ABHD17C: variants seen among roughly 807,000 people sequenced by gnomAD.
ABHD17C encodes alpha/beta hydrolase domain-containing protein 17C.
A neutral mutation model predicts 27.9 loss-of-function variants in ABHD17C; 11 were observed. The observed-to-expected ratio is 0.39, with a 90% CI of 0.25 to 0.65. ABHD17C has a LOEUF of 0.65. Among genes scored for constraint, ABHD17C ranks in the 30% least tolerant of loss-of-function variants. ABHD17C has a pLI of 0.45. For synonymous variants in ABHD17C, 233 were observed against 209.1 expected, an observed-to-expected ratio of 1.11 and a Z score of -0.98; for missense variants, 280 against 470.2, an observed-to-expected ratio of 0.60 and a Z score of 3.74.
intron 1 of ABHD17C, among the ~76,000 whole-genome samples, chr15:80,740,698 T>C (rs1037836475): frequency 1.3e-5 from 2 of 152,108 alleles, no homozygotes; most frequent in African/African-American, 4.8e-5. Flanking sequence ...TTGTCCCAAT[T>C]CCAGTCCTTC....
chr15:80,750,228 G>A (rs909771775), intron 2 of ABHD17C, among the ~76,000 whole-genome samples: 3 of 152,104 alleles, frequency 2.0e-5, no homozygotes, highest in African/African-American at 7.2e-5. Flanking sequence ...TGAGTTACTC[G>A]ACAAGCCAGG....
At chr15:80,696,226 A>G (rs559850145) in intron 1 of ABHD17C, among the ~76,000 whole-genome samples, 17 of 152,304 alleles carry the variant, frequency 1.1e-4, no homozygotes, top group Non-Finnish European at 2.2e-4. Context: ...GCCAGCCTTC[A>G]GGTTCCTGGA....
intron 1 of ABHD17C, among the ~76,000 whole-genome samples, chr15:80,731,041 A>G (rs1055905361): frequency 1.3e-5 from 2 of 152,202 alleles, no homozygotes; most frequent in Non-Finnish European, 2.9e-5. Context: ...ACTGACTTTA[A>G]AAGGAAATGG....
At chr15:80,747,575 C>T (rs995681325) in intron 1 of ABHD17C, among the ~76,000 whole-genome samples, 11 of 152,304 alleles carry the variant, frequency 7.2e-5, no homozygotes, top group Non-Finnish European at 1.3e-4. Flanking sequence ...GCACAGGATG[C>T]TGCTGTATCA....
In ABHD17C at chr15:80,754,292, G is replaced by A. The variant is rs1895405289; in HGVS notation, c.912G>A (p.Gly304=). 6.2e-7 allele frequency: 1 copy of A among 1,613,978 alleles called. No individual in the cohort carries two copies. Among genetic ancestry groups the A allele is most frequent in the Non-Finnish European group, 8.5e-7 (1 of 1,179,890 alleles). Residue 304 remains glycine (G), a synonymous_variant, in exon 3 of 3, where the codon GGG becomes GGA. Coordinates refer to ENST00000258884, the MANE Select transcript of ABHD17C (RefSeq NM_021214.2). ...AVEPLWVEGA[G]HNDIELYAQY... ...AGCCCCTTTGGGTTGAAGGGGCTGG[G>A]CATAATGACATAGAGCTTTATGCAC...
At chr15:80,747,106 A>G (rs1895298457) in intron 1 of ABHD17C, among the ~76,000 whole-genome samples, 2 of 152,208 alleles carry the variant, frequency 1.3e-5, no homozygotes, top group South Asian at 4.2e-4. Context: ...TCTTTGATTT[A>G]TGATTTTTAA....
At chr15:80,752,250 CA>C (rs1166718154) in intron 2 of ABHD17C, among the ~76,000 whole-genome samples, 1 of 152,188 alleles carries the variant, frequency 6.6e-6, no homozygotes, top group Non-Finnish European at 1.5e-5. Context: ...AGGGGGAAAG[CA>C]GGTTTCCAAA....
chr15:80,706,007 G>T (rs1387642206), intron 1 of ABHD17C, among the ~76,000 whole-genome samples: 1 of 152,194 alleles, frequency 6.6e-6, no homozygotes, highest in Admixed American at 6.5e-5. Flanking sequence ...TCTGAGCAGA[G>T]TTAGGGATGG....
At chr15:80,713,678 A>G (rs930687400) in intron 1 of ABHD17C, among the ~76,000 whole-genome samples, 19 of 152,014 alleles carry the variant, frequency 1.2e-4, no homozygotes, top group South Asian at 8.3e-4. Context: ...GCGTGGTGGC[A>G]GGCGCCTGTA....
intron 1 of ABHD17C, among the ~76,000 whole-genome samples, chr15:80,734,969 T>C (rs1480305556): frequency 6.6e-6 from 1 of 152,252 alleles, no homozygotes; most frequent in Non-Finnish European, 1.5e-5. Flanking sequence ...CTTGTTACTC[T>C]GTGCATTATG....
chr15:80,715,908 C>T (rs1012890479), intron 1 of ABHD17C, among the ~76,000 whole-genome samples: 2 of 152,012 alleles, frequency 1.3e-5, no homozygotes, highest in African/African-American at 4.8e-5. Context: ...TAGTCTTTCC[C>T]TATTTGACCT....
At chr15:80,709,726 G>A (rs1894705203) in intron 1 of ABHD17C, among the ~76,000 whole-genome samples, 1 of 151,952 alleles carries the variant, frequency 6.6e-6, no homozygotes, top group Non-Finnish European at 1.5e-5. Flanking sequence ...CCTCCACCCT[G>A]CACCACTCTG....
chr15:80,751,878 T>C (rs1895370824), intron 2 of ABHD17C, among the ~76,000 whole-genome samples: 1 of 152,256 alleles, frequency 6.6e-6, no homozygotes, highest in African/African-American at 2.4e-5. Context: ...ACTTTCATCA[T>C]GAATTTGAAT....
At chr15:80,706,418 T>A (rs12594697) in intron 1 of ABHD17C, among the ~76,000 whole-genome samples, 15,485 of 152,252 alleles carry the variant, frequency 0.1, 1,029 homozygotes, top group East Asian at 0.17. Flanking sequence ...TCAAGCTTAC[T>A]TGTTAACAGA....
intron 1 of ABHD17C, among the ~76,000 whole-genome samples, chr15:80,708,428 G>A (rs1046876734): frequency 3.9e-5 from 6 of 152,188 alleles, no homozygotes; most frequent in African/African-American, 1.4e-4. Flanking sequence ...TGATTCTCAT[G>A]CCTCAGCCTC....
chr15:80,705,366 T>TGTGTGTGTGTGTGTGTGTGGGG (rs1300324609), intron 1 of ABHD17C, among the ~76,000 whole-genome samples: 1 of 150,680 alleles, frequency 6.6e-6, no homozygotes, highest in Non-Finnish European at 1.5e-5. Context: ...TGTGTGTGTG[T>TGTGTGTGTGTGTGTGTGTGGGG]GGTTAGGAGC....
At chr15:80,736,547 GT>G (rs1448989692) in intron 1 of ABHD17C, among the ~76,000 whole-genome samples, 1 of 152,022 alleles carries the variant, frequency 6.6e-6, no homozygotes, top group Non-Finnish European at 1.5e-5. Flanking sequence ...TTTTTTTAAT[GT>G]TTATCTAAAG....
rs920293147 is a variant in ABHD17C at position 80,730,111 on chromosome 15, A to G, written c.591-19402A>G. ...GCAACAGAGCAAGACTCCATCTCAA[A>G]AAAAAAAAGCTGGGACAAGAAGGGC... On this transcript the variant is annotated intron_variant, in intron 1 of 2. Coordinates refer to ENST00000258884, the MANE Select transcript of ABHD17C (RefSeq NM_021214.2). 1.8e-4 allele frequency among the ~76,000 whole-genome samples: 27 copies of G among 152,052 alleles called. No individual in the cohort carries two copies. The East Asian group carries it at 4.4e-3, about 25-fold the overall frequency.
intron 1 of ABHD17C, chr15:80,702,628 G>A (rs1408563422): frequency 1.3e-5 from 2 of 152,124 alleles, no homozygotes; most frequent in Non-Finnish European, 2.9e-5. Context: ...ACTCTCTTCA[G>A]TGTTGATAAT....
Sources: gnomAD v4.1 joint callset for allele counts (sites outside exome capture counted in the v4.1 genomes callset) on GRCh38, gnomAD v4.1.1 for gene constraint, MANE v1.5 for transcripts, NCBI Gene and HGNC (gene_info 2026-07-23, HGNC 2026-07-21) for gene names.